The following SMARCA1 variants were observed in gnomAD, a reference collection of about 807,000 sequenced individuals.
SMARCA1 encodes the protein SNF2 related chromatin remodeling ATPase 1, also known as SWI/SNF-related matrix-associated actin-dependent regulator of chromatin subfamily A member 1.
A neutral mutation model predicts 93.6 loss-of-function variants in SMARCA1; 17 were observed. That is an observed-to-expected ratio of 0.18 (90% CI 0.12 to 0.27). The LOEUF is 0.27. SMARCA1 is among the 10% of genes least tolerant of loss of function. The pLI, the probability that SMARCA1 is intolerant of heterozygous loss-of-function variation, is 1.00. For missense variants in SMARCA1, 630 were observed against 819.0 expected (o/e 0.77, Z 2.82); for synonymous variants, 271 against 271.4 (o/e 1.00, Z 0.01).
Position 129,468,789 on chromosome X carries a change from C to A in SMARCA1, c.2682G>T (p.Glu894Asp). ...TATACAAACCTGAATACTCCATGAC[C>A]TCCTCAGGGGATTTGCCCTCTACCT... ...AREVEGKSPE[E>D]VMEYSAVFWE... Residue 894 changes from glutamate (E) to aspartate (D), a missense_variant, in exon 21 of 25, where the codon GAG (glutamate) becomes GAT (aspartate). By Grantham distance (45) the Glu-to-Asp change is conservative (BLOSUM62 2). Coordinates refer to ENST00000371121, the MANE Select transcript of SMARCA1 (RefSeq NM_001282874.2). The A allele has an allele frequency of 8.4e-7, 1 of 1,185,037 alleles. No individual in the cohort carries two copies. Among genetic ancestry groups the A allele is most frequent in the Non-Finnish European group, 1.1e-6 (1 of 875,817 alleles).
At chrX:129,504,564 A>AAAAAAAAAC (rs1934715856) in intron 9 of SMARCA1, among the ~76,000 whole-genome samples, 170 bp downstream of exon 9, 4 of 97,411 alleles carry the variant, frequency 4.1e-5, no homozygotes, top group African/African-American at 1.7e-4. Flanking sequence ...AAAAAAAAAA[A>AAAAAAAAAC]AAAAAAAAAA....
intron 19 of SMARCA1, among the ~76,000 whole-genome samples, chrX:129,473,711 G>C (rs1933245148): frequency 8.9e-6 from 1 of 112,112 alleles, no homozygotes; most frequent in African/African-American, 3.2e-5. Flanking sequence ...TATACATATT[G>C]TATGATTCCA....
At chrX:129,518,330 C>A in intron 2 of SMARCA1, 31 bp downstream of exon 2, 1 of 832,015 alleles carries the variant, frequency 1.2e-6, no homozygotes, top group East Asian at 3.4e-5. Context: ...TTAATTACAG[C>A]ATTCACTATC....
chrX:129,459,437 ATGT>A (rs1402749107), intron 23 of SMARCA1, among the ~76,000 whole-genome samples: 6 of 112,171 alleles, frequency 5.3e-5, no homozygotes, highest in Non-Finnish European at 9.4e-5. Flanking sequence ...AAAAAAGAAA[ATGT>A]TGTTATCACT....
chrX:129,495,772 A>G (rs1444588012), intron 12 of SMARCA1, among the ~76,000 whole-genome samples: 1 of 106,330 alleles, frequency 9.4e-6, no homozygotes, highest in African/African-American at 3.4e-5. Context: ...ATAAGAACCT[A>G]TCTTTTTTTT....
chrX:129,504,139 G>A (rs1333691066), intron 9 of SMARCA1, among the ~76,000 whole-genome samples: 7 of 110,896 alleles, frequency 6.3e-5, no homozygotes, highest in African/African-American at 1.6e-4. Flanking sequence ...TTAGCCGGGC[G>A]TGGTGGCACA....
intron 23 of SMARCA1, among the ~76,000 whole-genome samples, chrX:129,460,989 T>C (rs754240632): frequency 1.4e-4 from 16 of 112,330 alleles, no homozygotes; most frequent in Non-Finnish European, 2.8e-4. Flanking sequence ...GAAAACACTT[T>C]CATTTATAAT....
intron 9 of SMARCA1, among the ~76,000 whole-genome samples, chrX:129,500,405 A>G (rs1469455717): frequency 1.8e-5 from 2 of 112,439 alleles, no homozygotes; most frequent in Non-Finnish European, 3.8e-5. Flanking sequence ...TGACCCCGTG[A>G]TCCACCCACC....
chrX:129,464,677 G>A (rs1045783368), intron 23 of SMARCA1, among the ~76,000 whole-genome samples: 1 of 112,182 alleles, frequency 8.9e-6, no homozygotes, highest in Admixed American at 9.5e-5. Context: ...TAAGTCATTC[G>A]CATAGTCTCA....
At chrX:129,465,997 A>C (rs1232610779) in intron 21 of SMARCA1, 35 bp from the exon 22 acceptor site, 1 of 686,733 alleles carries the variant, frequency 1.5e-6, no homozygotes, top group East Asian at 3.3e-5. Context: ...AAATCCTATC[A>C]TTTAAGCAAA....
chrX:129,481,948 T>C (rs1409939793), intron 17 of SMARCA1, among the ~76,000 whole-genome samples: 2 of 104,159 alleles, frequency 1.9e-5, no homozygotes, highest in Non-Finnish European at 3.9e-5. Flanking sequence ...CCAACAATGA[T>C]AGACTGGATT....
At chrX:129,464,845 T>A (rs1932869866) in intron 23 of SMARCA1, among the ~76,000 whole-genome samples, 1 of 111,674 alleles carries the variant, frequency 9.0e-6, no homozygotes, top group Non-Finnish European at 1.9e-5. Flanking sequence ...ATACATAACA[T>A]CACTTCCACA....
intron 7 of SMARCA1, among the ~76,000 whole-genome samples, chrX:129,506,713 AAGG>A (rs1452829924): frequency 3.2e-5 from 3 of 93,857 alleles, no homozygotes; most frequent in East Asian, 2.9e-4. Flanking sequence ...AAAAAAAAAA[AAGG>A]AAGAAGAATG....
At chrX:129,452,857 C>A (rs149647863) in intron 23 of SMARCA1, among the ~76,000 whole-genome samples, 1,193 of 111,973 alleles carry the variant, frequency 0.011, 5 homozygotes, top group Middle Eastern at 0.023. Context: ...TTGAACAAGT[C>A]TATTGGTGCC....
At chrX:129,485,260 G>C (rs1314845055) in intron 17 of SMARCA1, among the ~76,000 whole-genome samples, 3 of 112,355 alleles carry the variant, frequency 2.7e-5, no homozygotes, top group African/African-American at 9.7e-5. Context: ...TGCCCAGGAT[G>C]GGGGAAACAG....
Position 129,478,159 on chromosome X carries a change from C to T in SMARCA1, c.2442+2542G>A, listed in dbSNP as rs945907881. Among the ~76,000 whole-genome samples, 3 of 111,929 alleles carry T rather than the reference C, an allele frequency of 2.7e-5. No homozygotes were observed. The East Asian group carries it at 8.4e-4, about 31-fold the overall frequency. On this transcript the variant is annotated intron_variant, in intron 19 of 24. Transcript: ENST00000371121. ...ATGAGATACCCATGTTATACTCCCT[C>T]ATTAGCACCCCTTGTAAGCACAGAA...
intron 19 of SMARCA1, among the ~76,000 whole-genome samples, chrX:129,473,737 A>G (rs1410346694): frequency 8.9e-6 from 1 of 112,277 alleles, no homozygotes; most frequent in Non-Finnish European, 1.9e-5. Flanking sequence ...GTGAAATTCT[A>G]GAACAAAAAT....
intron 12 of SMARCA1, among the ~76,000 whole-genome samples, chrX:129,493,948 A>C (rs1934218659): frequency 9.0e-6 from 1 of 111,600 alleles, no homozygotes; most frequent in Non-Finnish European, 1.9e-5. Context: ...GCACACAATC[A>C]AAGTAAGGAA....
At chrX:129,507,846 C>T (rs955485226) in intron 7 of SMARCA1, 95 bp downstream of exon 7, 12 of 568,690 alleles carry the variant, frequency 2.1e-5, no homozygotes, top group East Asian at 8.2e-5. Flanking sequence ...GCCACCACAC[C>T]GGCTGTTCCA....
Sources: allele counts gnomAD v4.1 joint callset (sites outside exome capture counted in the v4.1 genomes callset), GRCh38; gene constraint gnomAD v4.1.1; transcripts MANE v1.5; gene names NCBI Gene and HGNC (gene_info 2026-07-23, HGNC 2026-07-21).